Variants in TMTC1 observed in about 807,000 individuals in gnomAD.
TMTC1 encodes protein O-mannosyl-transferase TMTC1.
A neutral mutation model predicts 104.8 loss-of-function variants in TMTC1; 73 were observed. The observed-to-expected ratio is 0.70, with a 90% CI of 0.58 to 0.85. The LOEUF (loss-of-function observed/expected upper bound fraction) is 0.85, where lower values mean the gene tolerates loss of function less well. Among genes scored for constraint, TMTC1 ranks in the 40% least tolerant of loss-of-function variants. The probability of loss-of-function intolerance (pLI) is 0.00; values close to 1 mark genes in which losing one functional copy is unlikely to be tolerated. For synonymous variants in TMTC1, 434 were observed against 428.7 expected, an observed-to-expected ratio of 1.01 and a Z score of -0.15; for missense variants, 1,035 against 1,096.1, an observed-to-expected ratio of 0.94 and a Z score of 0.79.
chr12:29,567,480 C>T (rs1313838238), intron 9 of TMTC1, among the ~76,000 whole-genome samples: 2 of 152,070 alleles, frequency 1.3e-5, no homozygotes, highest in African/African-American at 4.8e-5. Context: ...CATATATATA[C>T]TGAGAATGTA....
chr12:29,627,146 G>A (rs958653465), intron 6 of TMTC1, among the ~76,000 whole-genome samples: 1 of 152,036 alleles, frequency 6.6e-6, no homozygotes. Context: ...TGCATCAAAG[G>A]ACATTATCAG....
At chr12:29,710,678 T>G (rs1346784868) in intron 5 of TMTC1, among the ~76,000 whole-genome samples, 1 of 141,350 alleles carries the variant, frequency 7.1e-6, no homozygotes, top group Non-Finnish European at 1.5e-5. Flanking sequence ...TATATTTATA[T>G]ATTTATAATT....
chr12:29,728,071 T>G (rs1446907463), intron 5 of TMTC1, among the ~76,000 whole-genome samples: 1 of 152,244 alleles, frequency 6.6e-6, no homozygotes, highest in Non-Finnish European at 1.5e-5. Flanking sequence ...TTTATTGTGA[T>G]GCACAGCAAT....
chr12:29,694,479 C>T (rs913634674), intron 5 of TMTC1, among the ~76,000 whole-genome samples: 3 of 152,244 alleles, frequency 2.0e-5, no homozygotes, highest in South Asian at 4.1e-4. Flanking sequence ...AATGTAAATG[C>T]TATGCAAATA....
At position 29,779,729 on chromosome 12, in the gene TMTC1, G is replaced by A. The variant is rs1395888122; in HGVS notation, c.302+3721C>T. ...TGCACTGAGAAAGGTCCTGTGAGGA[G>A]GACAAAAAGACAAGCTACAGAGTGG... On this transcript the variant is annotated intron_variant, in intron 1 of 17. Transcript: ENST00000539277. 4.6e-5 allele frequency among the ~76,000 whole-genome samples: 7 copies of A among 152,118 alleles called. No homozygotes were observed. In the South Asian group the frequency reaches 1.0e-3, roughly 23 times the overall value.
intron 9 of TMTC1, among the ~76,000 whole-genome samples, chr12:29,566,355 G>A (rs1188308783): frequency 6.6e-6 from 1 of 152,200 alleles, no homozygotes; most frequent in Non-Finnish European, 1.5e-5. Flanking sequence ...AAGGGGGCAG[G>A]TGGTGCAGGG....
At chr12:29,652,862 C>T (rs763414702) in intron 5 of TMTC1, among the ~76,000 whole-genome samples, 2 of 152,090 alleles carry the variant, frequency 1.3e-5, no homozygotes, top group Admixed American at 1.3e-4. Context: ...AGGAGTTCAA[C>T]ACCAGCCTGA....
chr12:29,733,500 T>C (rs962154528), intron 5 of TMTC1, among the ~76,000 whole-genome samples: 9 of 152,224 alleles, frequency 5.9e-5, no homozygotes, highest in Non-Finnish European at 7.3e-5. Context: ...ATTATTTTTA[T>C]GCCTAACACC....
intron 5 of TMTC1, among the ~76,000 whole-genome samples, chr12:29,709,223 ATGT>A (rs1941834124): frequency 6.6e-6 from 1 of 152,300 alleles, no homozygotes; most frequent in South Asian, 2.1e-4. Context: ...CAGTGGGGTG[ATGT>A]TGTCAGACTG....
At chr12:29,759,024 T>C (rs2136994471) in intron 2 of TMTC1, among the ~76,000 whole-genome samples, 1 of 152,340 alleles carries the variant, frequency 6.6e-6, no homozygotes, top group South Asian at 2.1e-4. Flanking sequence ...ACTTTATTTT[T>C]AAGCTCTCAG....
chr12:29,725,003 T>C (rs182091773), intron 5 of TMTC1, among the ~76,000 whole-genome samples: 1 of 144,286 alleles, frequency 6.9e-6, no homozygotes, highest in Admixed American at 7.2e-5. Flanking sequence ...TAGCTATATA[T>C]CTGCCAAGTT....
intron 5 of TMTC1, among the ~76,000 whole-genome samples, chr12:29,651,133 G>T (rs1303770649): frequency 6.6e-6 from 1 of 152,194 alleles, no homozygotes; most frequent in Non-Finnish European, 1.5e-5. Context: ...GTCCCTTGAG[G>T]CTGAAACACT....
chr12:29,621,630 T>G (rs894634980), intron 6 of TMTC1, among the ~76,000 whole-genome samples: 7 of 152,222 alleles, frequency 4.6e-5, no homozygotes, highest in Non-Finnish European at 8.8e-5. Context: ...TTTCCAATAG[T>G]GGCTTTCGTT....
chr12:29,760,863 AT>A (rs1943329357), intron 2 of TMTC1, among the ~76,000 whole-genome samples: 1 of 148,838 alleles, frequency 6.7e-6, no homozygotes, highest in Non-Finnish European at 1.5e-5. Context: ...TACTGTATTT[AT>A]TATATACTAT....
intron 6 of TMTC1, among the ~76,000 whole-genome samples, chr12:29,606,833 C>T (rs565121923): frequency 2.0e-5 from 3 of 152,224 alleles, no homozygotes; most frequent in African/African-American, 7.2e-5. Flanking sequence ...ACCCTTCCAA[C>T]GCACCTTCCT....
chr12:29,762,240 C>T (rs1943368279), intron 2 of TMTC1, among the ~76,000 whole-genome samples: 2 of 152,164 alleles, frequency 1.3e-5, no homozygotes, highest in South Asian at 4.1e-4. Flanking sequence ...GTAGACTGCT[C>T]TTGCCATCTG....
chr12:29,610,656 CT>C (rs1333734868), intron 6 of TMTC1, among the ~76,000 whole-genome samples: 4 of 152,202 alleles, frequency 2.6e-5, no homozygotes, highest in African/African-American at 9.6e-5. Flanking sequence ...GAAAGGGACC[CT>C]GATTCCGGCC....
intron 9 of TMTC1, among the ~76,000 whole-genome samples, chr12:29,563,062 T>C (rs1945418544): frequency 6.6e-6 from 1 of 152,168 alleles, no homozygotes; most frequent in Non-Finnish European, 1.5e-5. Context: ...TCCATCTGTT[T>C]CTCCTATACT....
In TMTC1 at chr12:29,783,797, G is replaced by A. The variant is rs937144968; in HGVS notation, c.-46C>T. On this transcript the variant is annotated 5_prime_UTR_variant, in exon 1 of 18. Transcript: ENST00000539277. The surrounding 1 kb of genome is among the most constrained non-coding windows in gnomAD (Gnocchi z 4.7). The stretch of plus-strand genomic sequence containing the variant: ...TGCCCTGGCCTCTCCCGGGCGTCTG[G>A]CATCCTCCCCTACCGGGGCCCCGGC... 14 of 1,124,960 alleles carry A rather than the reference G, an allele frequency of 1.2e-5. No individual in the cohort carries two copies. The highest frequency in any genetic ancestry group is 1.3e-5 in the Non-Finnish European group (12 of 921,374). The allele number at this position is 1,124,960 out of a possible 1,614,324, so 69.7% of individuals were successfully genotyped here. A position where few individuals can be genotyped will look rare whatever the true frequency, so the allele number is the denominator to read the frequency against.
Sources: allele counts gnomAD v4.1 joint callset (sites outside exome capture counted in the v4.1 genomes callset), GRCh38; gene constraint gnomAD v4.1.1; non-coding constraint Gnocchi (gnomAD v3.1); transcripts MANE v1.5; gene names NCBI Gene and HGNC (gene_info 2026-07-23, HGNC 2026-07-21).